SCYL2: variants seen among roughly 807,000 people sequenced by gnomAD.
SCYL2 encodes the protein SCY1 like pseudokinase 2.
A neutral mutation model predicts 100.4 loss-of-function variants in SCYL2; 36 were observed. The ratio of observed to expected loss-of-function variants is 0.36; its 90% confidence interval spans 0.27 to 0.47. The LOEUF (loss-of-function observed/expected upper bound fraction) is 0.47, where lower values mean the gene tolerates loss of function less well. SCYL2 is among the 20% of genes least tolerant of loss of function. The pLI is 1.00. For synonymous variants in SCYL2, 330 were observed against 359.2 expected, an observed-to-expected ratio of 0.92 and a Z score of 0.92; for missense variants, 902 against 1,083.9, an observed-to-expected ratio of 0.83 and a Z score of 2.36.
chr12:100,329,394 C>CAAAAA, intron 13 of SCYL2, 75 bp downstream of exon 13: 1 of 664,374 alleles, frequency 1.5e-6, no homozygotes, highest in African/African-American at 1.8e-5. Flanking sequence ...AAATATATTA[C>CAAAAA]AAAGATTGGT....
intron 10 of SCYL2, among the ~76,000 whole-genome samples, chr12:100,318,432 G>A (rs1035679495): frequency 6.7e-6 from 1 of 150,010 alleles, no homozygotes; most frequent in Non-Finnish European, 1.5e-5. Flanking sequence ...CTGGGTTCAA[G>A]CAATTCTCCT....
Position 100,326,827 on chromosome 12 carries a change from T to C in SCYL2, c.1642+73T>C, listed in dbSNP as rs889758031. On this transcript the variant is annotated intron_variant, in intron 12 of 17. Coordinates refer to ENST00000360820, the MANE Select transcript of SCYL2 (RefSeq NM_017988.6). ...AATTTTCCAATCTATAAAACAATTA[T>C]ACTCTCCTTTCGTGTATATAGCATT... 6.2e-6 allele frequency: 8 copies of C among 1,282,832 alleles called. No homozygotes were observed. In the Admixed American group the frequency reaches 6.5e-5, roughly 10 times the overall value. The allele number at this position is 1,282,832 out of a possible 1,614,324, so 79.5% of individuals were successfully genotyped here.
intron 2 of SCYL2, among the ~76,000 whole-genome samples, chr12:100,289,492 A>T (rs910215279): frequency 2.0e-5 from 3 of 152,248 alleles, no homozygotes; most frequent in African/African-American, 7.2e-5. Context: ...AAAAGTACTT[A>T]GCACAATGCT....
At chr12:100,274,182 T>C (rs912960229) in intron 1 of SCYL2, among the ~76,000 whole-genome samples, 1 of 152,226 alleles carries the variant, frequency 6.6e-6, no homozygotes. Flanking sequence ...AAGTATAATT[T>C]CGTTAATAGA....
intron 12 of SCYL2, 125 bp from the exon 13 acceptor site, chr12:100,329,076 G>C: frequency 1.8e-6 from 1 of 564,450 alleles, no homozygotes; most frequent in Non-Finnish European, 3.2e-6. Flanking sequence ...ATTATTCTAG[G>C]CATTGATTGG....
chr12:100,334,247 A>G lies in SCYL2; in HGVS notation c.1843A>G (p.Ile615Val), dbSNP rs765166701. ...EHKTKLEQLH[I>V]MQEQQKSLDI... Reference sequence around the variant, plus strand: ...TAAGACTAAACTGGAGCAACTTCATATAATGCAAGAACAGCAGAAGTAAGT... The same window carrying G: ...TAAGACTAAACTGGAGCAACTTCATGTAATGCAAGAACAGCAGAAGTAAGT... The change falls in exon 14 of 18, where the codon ATA (isoleucine) becomes GTA (valine). Residue 615 changes from isoleucine to valine, a missense_variant. Ile to Val is a conservative substitution (Grantham distance 29). Transcript: ENST00000360820. The G allele has an allele frequency of 1.3e-5, 21 of 1,589,912 alleles. No homozygotes were observed. Among genetic ancestry groups the G allele is most frequent in the East Asian group, 4.5e-5 (2 of 44,652 alleles).
Position 100,309,753 on chromosome 12 carries a change from C to A in SCYL2, c.481-1291C>A, listed in dbSNP as rs573328251. On this transcript the variant is annotated intron_variant, in intron 4 of 17. Transcript: ENST00000360820. ...GCTGTGCAAATGAGTATACAAACAT[C>A]TCTGTAAGACCCTGCTATCAGTTCT... Among the ~76,000 whole-genome samples the A allele has an allele frequency of 5.9e-5, 9 of 152,316 alleles. No individual in the cohort carries two copies. The South Asian group carries it at 1.7e-3, about 28-fold the overall frequency.
chr12:100,279,863 C>T (rs1043103238), intron 1 of SCYL2, among the ~76,000 whole-genome samples: 1 of 152,218 alleles, frequency 6.6e-6, no homozygotes, highest in African/African-American at 2.4e-5. Flanking sequence ...TATGCATAAG[C>T]ATGTGTGGGA....
At chr12:100,272,600 G>C (rs906554422) in intron 1 of SCYL2, among the ~76,000 whole-genome samples, 1 of 152,028 alleles carries the variant, frequency 6.6e-6, no homozygotes, top group Non-Finnish European at 1.5e-5. Flanking sequence ...TGTCATTCAG[G>C]CAGCTCAAAT....
At chr12:100,282,782 G>A (rs2096300312) in intron 1 of SCYL2, among the ~76,000 whole-genome samples, 161 bp from the exon 2 acceptor site, 2 of 152,176 alleles carry the variant, frequency 1.3e-5, no homozygotes, top group East Asian at 1.9e-4. Context: ...GTACTAAAGT[G>A]TATTGGGTTC....
intron 6 of SCYL2, among the ~76,000 whole-genome samples, chr12:100,312,955 CA>C (rs199522049): frequency 6.8e-4 from 98 of 144,336 alleles, no homozygotes; most frequent in African/African-American, 6.8e-4. Flanking sequence ...CACTTCTCCA[CA>C]AAAAAAAAAA....
rs1952329598 is a variant in SCYL2 at position 100,339,724 on chromosome 12, TAC to T, written c.*554_*555del. On this transcript the variant is annotated 3_prime_UTR_variant, in exon 18 of 18. Coordinates refer to ENST00000360820, the MANE Select transcript of SCYL2 (RefSeq NM_017988.6). ...ACTTTTCAGATGAACTATTGTTTAG[TAC>T]AGAGACTGAGCAAATACTACAAAAT... is the stretch of plus-strand genomic sequence containing the variant. 6.5e-6 allele frequency: 1 copy of T among 152,934 alleles called. No homozygotes were observed. The highest frequency in any genetic ancestry group is 1.5e-5 in the Non-Finnish European group (1 of 68,298). 9.5% of individuals were successfully genotyped at this position (152,934 alleles called of 1,614,324 possible).
intron 13 of SCYL2, among the ~76,000 whole-genome samples, chr12:100,331,254 A>G (rs1458557378): frequency 6.6e-6 from 1 of 152,216 alleles, no homozygotes. Context: ...AACAGCCTTC[A>G]GCTTTTTGTC....
intron 2 of SCYL2, among the ~76,000 whole-genome samples, chr12:100,288,906 G>A (rs1276425369): frequency 6.6e-6 from 1 of 150,946 alleles, no homozygotes; most frequent in Non-Finnish European, 1.5e-5. Context: ...TTTTGAGATG[G>A]AATCTCACTG....
At position 100,295,821 on chromosome 12, in the gene SCYL2, C is replaced by G. The variant is rs562124401; in HGVS notation, c.336-2210C>G. The stretch of plus-strand genomic sequence containing the variant: ...GGAGAGCTGGATTTCAAAGCTTCAT[C>G]CATGCTGAGCTGCAAGGGGAATGGA... On this transcript the variant is annotated intron_variant, in intron 3 of 17. Transcript: ENST00000360820. Among the ~76,000 whole-genome samples the G allele has an allele frequency of 1.2e-3, 185 of 151,676 alleles. 1 individual carries two copies. The highest frequency in any genetic ancestry group is 4.1e-3 in the African/African-American group (170 of 41,260).
intron 6 of SCYL2, among the ~76,000 whole-genome samples, 195 bp downstream of exon 6, chr12:100,312,848 T>C (rs540532987): frequency 1.3e-5 from 2 of 152,350 alleles, no homozygotes; most frequent in South Asian, 4.1e-4. Flanking sequence ...CCAGGTGCTC[T>C]GGCTCACGCC....
intron 2 of SCYL2, among the ~76,000 whole-genome samples, chr12:100,284,036 T>C (rs537934296): frequency 6.6e-6 from 1 of 152,334 alleles, no homozygotes; most frequent in South Asian, 2.1e-4. Flanking sequence ...TAAAAACTAT[T>C]AATGAGGTCA....
rs777006369 is a variant in SCYL2 at position 100,315,672 on chromosome 12, G to A, written c.1210G>A (p.Glu404Lys). Reference sequence around the variant, plus strand: ...TATTGCTGAGGAATGCACCAAAGAAGAATATGTCAAATTAATTCTTCCTGA... The same window carrying A: ...TATTGCTGAGGAATGCACCAAAGAAAAATATGTCAAATTAATTCTTCCTGA... ...LLIAEECTKE[E>K]YVKLILPELG... Residue 404 changes from glutamate to lysine, a missense_variant, in exon 9 of 18, where the codon GAA becomes AAA. Physicochemically the swap from Glu to Lys is moderately conservative, Grantham distance 56 (BLOSUM62 1). Transcript: ENST00000360820. The A allele has an allele frequency of 6.2e-7, 1 of 1,612,170 alleles. No individual in the cohort carries two copies. Among genetic ancestry groups the A allele is most frequent in the Non-Finnish European group, 8.5e-7 (1 of 1,178,918 alleles).
intron 1 of SCYL2, 84 bp downstream of exon 1, chr12:100,267,876 C>G (rs1381347921): frequency 6.6e-6 from 1 of 152,630 alleles, no homozygotes; most frequent in Non-Finnish European, 1.5e-5. Flanking sequence ...CCGTCCTTCT[C>G]TGACAGTAGC....
Sources: gnomAD v4.1 joint callset for allele counts (sites outside exome capture counted in the v4.1 genomes callset) on GRCh38, gnomAD v4.1.1 for gene constraint, MANE v1.5 for transcripts, NCBI Gene and HGNC (gene_info 2026-07-23, HGNC 2026-07-21) for gene names.